Variants in MICAL3 observed in about 807,000 individuals in gnomAD.
The protein encoded by MICAL3 is [F-actin]-monooxygenase MICAL3.
Under a neutral mutation model 207.4 loss-of-function variants are expected in MICAL3, and 62 were observed. That is an observed-to-expected ratio of 0.30 (90% confidence interval 0.24 to 0.37). The LOEUF is 0.37. Ranked by LOEUF, MICAL3 falls within the 10% of genes least tolerant of loss-of-function variation. MICAL3 has a pLI of 1.00. For missense variants in MICAL3, 2,368 were observed against 2,635.6 expected, an observed-to-expected ratio of 0.90 and a Z score of 2.22; for synonymous variants, 1,077 against 1,069.3, an observed-to-expected ratio of 1.01 and a Z score of -0.14.
chr22:18,006,798 A>G (rs1340760882), intron 1 of MICAL3, among the ~76,000 whole-genome samples: 1 of 152,080 alleles, frequency 6.6e-6, no homozygotes, highest in African/African-American at 2.4e-5. Context: ...GTGCCATTGC[A>G]CTCCAGCGTG....
At chr22:17,904,912 A>G in intron 2 of MICAL3, 73 bp from the exon 3 acceptor site, 1 of 1,117,208 alleles carries the variant, frequency 9.0e-7, no homozygotes, top group South Asian at 1.3e-5. Flanking sequence ...CATGATTGTA[A>G]GATCATCACT....
At chr22:17,833,080 C>G (rs1299877404) in intron 20 of MICAL3, among the ~76,000 whole-genome samples, 2 of 152,152 alleles carry the variant, frequency 1.3e-5, no homozygotes, top group African/African-American at 4.8e-5. Context: ...AATGCACATG[C>G]CACAACGGAC....
intron 19 of MICAL3, among the ~76,000 whole-genome samples, chr22:17,847,936 A>AT (rs1258495475): frequency 6.6e-6 from 1 of 152,116 alleles, no homozygotes; most frequent in African/African-American, 2.4e-5. Flanking sequence ...AGTAGCTGAG[A>AT]TTATAGGCGT....
intron 1 of MICAL3, among the ~76,000 whole-genome samples, chr22:17,995,918 T>G (rs1335301312): frequency 6.6e-6 from 1 of 151,888 alleles, no homozygotes; most frequent in Non-Finnish European, 1.5e-5. Context: ...CCCAGCACTT[T>G]GAGAGGCTGA....
At chr22:17,853,071 T>C (rs1450340308) in intron 19 of MICAL3, among the ~76,000 whole-genome samples, 1 of 145,464 alleles carries the variant, frequency 6.9e-6, no homozygotes, top group African/African-American at 2.6e-5. Context: ...CGAGACTCCA[T>C]CTCAAAAAAA....
rs564214289 is a variant in MICAL3, at chr22:17,921,869, G to A, written c.-74-14983C>T. The stretch of plus-strand genomic sequence containing the variant: ...TCTTTTGTAAGGGCCAATGTGACCC[G>A]TTTCAGCCTCTGCTGACACTAGGAA... On this transcript the variant is annotated intron_variant, in intron 1 of 31. Coordinates refer to ENST00000441493, the MANE Select transcript of MICAL3 (RefSeq NM_015241.3). Among the ~76,000 whole-genome samples, 183 of 152,130 alleles carry A rather than the reference G, an allele frequency of 1.2e-3. 1 individual carries two copies. The highest frequency in any genetic ancestry group is 4.2e-3 in the African/African-American group (173 of 41,484).
intron 1 of MICAL3, among the ~76,000 whole-genome samples, chr22:17,971,823 G>C (rs1602320537): frequency 6.6e-6 from 1 of 152,242 alleles, no homozygotes; most frequent in Non-Finnish European, 1.5e-5. Flanking sequence ...GCCCGACCCG[G>C]GAGGGAGGAT....
In MICAL3 at chr22:17,864,973, G is replaced by A. The variant is rs781183167; in HGVS notation, c.2531C>T (p.Pro844Leu). Residue 844 changes from proline (P) to leucine (L), a missense_variant, in exon 19 of 32, where the codon CCC (proline) becomes CTC (leucine). Physicochemically the swap from Pro to Leu is moderately conservative, Grantham distance 98 (BLOSUM62 -3). This residue lies in a region of MICAL3 where 1,770 missense variants were observed against 1,863.2 expected (regional missense o/e 0.95). Coordinates refer to ENST00000441493, the MANE Select transcript of MICAL3 (RefSeq NM_015241.3). ...ATCTGTGGTGGCGCCATCCTGCAGG[G>A]GTCCTTTGGCCTCCTAGGAAAGTTC... is the stretch of plus-strand genomic sequence containing the variant. ...APLSGKEAKGPLQDGATTDAN... is the reference protein window; with the variant it reads ...APLSGKEAKGLLQDGATTDAN... 3.0e-5 allele frequency: 48 copies of A among 1,606,044 alleles called. No homozygotes were observed. The highest frequency in any genetic ancestry group is 4.0e-5 in the African/African-American group (3 of 74,684).
At chr22:18,003,765 C>T (rs1364090187) in intron 1 of MICAL3, among the ~76,000 whole-genome samples, 1 of 151,656 alleles carries the variant, frequency 6.6e-6, no homozygotes, top group Non-Finnish European at 1.5e-5. Flanking sequence ...GTCTGGGATA[C>T]CCTTTCTTTA....
intron 19 of MICAL3, chr22:17,842,298 C>T: frequency 2.1e-6 from 1 of 478,096 alleles, no homozygotes; most frequent in Admixed American, 3.3e-5. Context: ...ACGCAGTCTC[C>T]CCACAAGAGT....
At chr22:17,931,128 C>T (rs954262215) in intron 1 of MICAL3, among the ~76,000 whole-genome samples, 1 of 152,194 alleles carries the variant, frequency 6.6e-6, no homozygotes, top group Non-Finnish European at 1.5e-5. Context: ...CCCCCACACC[C>T]CCTGGTCCCC....
chr22:17,806,923 C>T (rs980410450), intron 29 of MICAL3, among the ~76,000 whole-genome samples: 21 of 152,310 alleles, frequency 1.4e-4, no homozygotes, highest in Non-Finnish European at 2.5e-4. Flanking sequence ...AATAACAGGG[C>T]CCGTGACAGG....
chr22:17,904,041 C>G (rs1466811357), intron 3 of MICAL3, among the ~76,000 whole-genome samples: 7 of 152,202 alleles, frequency 4.6e-5, no homozygotes, highest in Admixed American at 4.6e-4. Flanking sequence ...CCGGGCTGAG[C>G]TTAGAGGTGA....
chr22:17,987,669 G>A (rs1385855247), intron 1 of MICAL3, among the ~76,000 whole-genome samples: 4 of 152,240 alleles, frequency 2.6e-5, no homozygotes, highest in Non-Finnish European at 4.4e-5. Flanking sequence ...TTCAAAGACA[G>A]AAACAGCACT....
chr22:17,826,275 G>A (rs374018882), intron 22 of MICAL3, among the ~76,000 whole-genome samples: 3 of 73,388 alleles, frequency 4.1e-5, no homozygotes, highest in Non-Finnish European at 1.0e-4. Context: ...TGAAGGGGGG[G>A]TGTGCGTCTG....
chr22:17,873,777 C>T (rs1927967002), intron 16 of MICAL3, among the ~76,000 whole-genome samples: 1 of 152,272 alleles, frequency 6.6e-6, no homozygotes, highest in South Asian at 2.1e-4. Context: ...AAGCTGGGTG[C>T]CCAGGCAGCC....
At chr22:17,816,428 GAC>G (rs1224225922) in intron 27 of MICAL3, among the ~76,000 whole-genome samples, 1 of 152,254 alleles carries the variant, frequency 6.6e-6, no homozygotes, top group African/African-American at 2.4e-5. Context: ...AGGGGAGTGT[GAC>G]ACAGGAATGG....
chr22:17,874,621 A>G (rs1928080139), intron 16 of MICAL3, among the ~76,000 whole-genome samples: 1 of 152,250 alleles, frequency 6.6e-6, no homozygotes, highest in South Asian at 2.1e-4. Flanking sequence ...CTCAAGTTCT[A>G]TTTGTTTCTG....
At chr22:18,023,676 G>A (rs992890024) in intron 1 of MICAL3, among the ~76,000 whole-genome samples, 2 of 152,234 alleles carry the variant, frequency 1.3e-5, no homozygotes, top group East Asian at 3.9e-4. Flanking sequence ...GCACACGCCC[G>A]GGAGCTGCGC....
Sources: gnomAD v4.1 joint callset for allele counts (sites outside exome capture counted in the v4.1 genomes callset) on GRCh38, gnomAD v4.1.1 for gene constraint, gnomAD v4.1.1 regional missense constraint, MANE v1.5 for transcripts, NCBI Gene and HGNC (gene_info 2026-07-23, HGNC 2026-07-21) for gene names.